Variants in OXR1 observed in about 807,000 individuals in gnomAD.
OXR1 encodes the protein oxidation resistance protein 1.
OXR1 carries 41 observed loss-of-function variants against 104.6 expected under a neutral mutation model. That is an observed-to-expected ratio of 0.39 (90% CI 0.31 to 0.51). The LOEUF is 0.51. Ranked by LOEUF, OXR1 falls within the 20% of genes least tolerant of loss-of-function variation. OXR1 has a pLI of 0.77. For missense variants in OXR1, 955 were observed against 1,031.9 expected, an observed-to-expected ratio of 0.93 and a Z score of 1.02; for synonymous variants, 348 against 348.4, an observed-to-expected ratio of 1.00 and a Z score of 0.01.
intron 2 of OXR1, among the ~76,000 whole-genome samples, chr8:106,504,025 A>G (rs1378535641): frequency 6.6e-6 from 1 of 152,160 alleles, no homozygotes; most frequent in Admixed American, 6.5e-5. Context: ...AGCTTTAAAC[A>G]CCTAACAAAA....
chr8:106,688,723 A>T (rs1225438436), intron 6 of OXR1, among the ~76,000 whole-genome samples: 1 of 152,100 alleles, frequency 6.6e-6, no homozygotes, highest in African/African-American at 2.4e-5. Flanking sequence ...CTGTATTTTT[A>T]AAAATGAGGA....
At position 106,746,398 on chromosome 8, in the gene OXR1, G is replaced by T. The variant is rs888113888; in HGVS notation, c.2486+536G>T. Among the ~76,000 whole-genome samples, 5 of 64,830 alleles carry T rather than the reference G, an allele frequency of 7.7e-5. No individual in the cohort carries two copies. In the Admixed American group the frequency reaches 8.3e-4, roughly 11 times the overall value. 42.5% of individuals were successfully genotyped at this position (64,830 alleles called of 152,430 possible). ...TGTGAGGAGCTTTGTTTTTTATTTG[G>T]TATCCCAGCCTCCTTTAATCTTTGC... On this transcript the variant is annotated intron_variant, in intron 16 of 16. Transcript: ENST00000517566.
At chr8:106,540,832 G>T (rs1025803675) in intron 3 of OXR1, among the ~76,000 whole-genome samples, 2 of 152,178 alleles carry the variant, frequency 1.3e-5, no homozygotes, top group Admixed American at 6.5e-5. Flanking sequence ...ATCAGATCTC[G>T]TGAGACTCAT....
intron 2 of OXR1, among the ~76,000 whole-genome samples, chr8:106,427,080 G>A (rs1035863792): frequency 6.6e-6 from 1 of 152,158 alleles, no homozygotes; most frequent in Non-Finnish European, 1.5e-5. Flanking sequence ...ATCAAAGACT[G>A]CAGGGCAAAG....
At chr8:106,629,155 A>G (rs1323510491) in intron 3 of OXR1, among the ~76,000 whole-genome samples, 4 of 152,200 alleles carry the variant, frequency 2.6e-5, no homozygotes, top group Non-Finnish European at 4.4e-5. Flanking sequence ...TGAAGGAGAG[A>G]AAAGGTGTGC....
At chr8:106,437,190 A>G (rs1819615150) in intron 2 of OXR1, among the ~76,000 whole-genome samples, 1 of 152,108 alleles carries the variant, frequency 6.6e-6, no homozygotes, top group African/African-American at 2.4e-5. Context: ...AAAAATTATT[A>G]AGGAAGTGAT....
chr8:106,628,257 A>G (rs2130878209), intron 3 of OXR1, among the ~76,000 whole-genome samples: 1 of 152,326 alleles, frequency 6.6e-6, no homozygotes, highest in South Asian at 2.1e-4. Context: ...CGATGATAAA[A>G]TATATAGAAA....
intron 6 of OXR1, among the ~76,000 whole-genome samples, chr8:106,690,351 CAACTT>C (rs745977292): frequency 8.6e-5 from 13 of 150,818 alleles, no homozygotes; most frequent in Non-Finnish European, 1.9e-4. Context: ...TTTTAAATAA[CAACTT>C]AGTAAGGAAT....
Position 106,334,237 on chromosome 8 carries a change from T to C in OXR1, c.-138-25239T>C, listed in dbSNP as rs998374281. 2.0e-5 allele frequency among the ~76,000 whole-genome samples: 3 copies of C among 152,234 alleles called. No homozygotes were observed. In the East Asian group the frequency reaches 5.8e-4, roughly 29 times the overall value. ...TTGATTGCTATTTTAAATGAAGTTT[T>C]TTTTAAATTTAATTTACAGTTTGTT... On this transcript the variant is annotated intron_variant, in intron 1 of 16. Coordinates refer to ENST00000517566, the MANE Select transcript of OXR1 (RefSeq NM_001198533.2).
chr8:106,635,199 T>G (rs1823027194), intron 3 of OXR1, among the ~76,000 whole-genome samples: 1 of 152,218 alleles, frequency 6.6e-6, no homozygotes. Context: ...TATGAATGAA[T>G]GTCCAAATCT....
intron 2 of OXR1, among the ~76,000 whole-genome samples, chr8:106,490,662 A>G (rs1447802373): frequency 6.6e-6 from 1 of 152,156 alleles, no homozygotes; most frequent in African/African-American, 2.4e-5. Context: ...CACTGAACCC[A>G]GCTGGATGCA....
intron 3 of OXR1, among the ~76,000 whole-genome samples, chr8:106,659,675 G>C (rs529348761): frequency 6.6e-6 from 1 of 152,332 alleles, no homozygotes; most frequent in Admixed American, 6.5e-5. Context: ...AATATGGTTA[G>C]TATTTTAATA....
intron 2 of OXR1, among the ~76,000 whole-genome samples, chr8:106,457,436 T>C (rs1455035615): frequency 1.3e-5 from 2 of 152,180 alleles, no homozygotes; most frequent in Non-Finnish European, 2.9e-5. Context: ...GACTGTGTTA[T>C]TCTCTTATAG....
chr8:106,342,268 C>T (rs1484158515), intron 1 of OXR1, among the ~76,000 whole-genome samples: 14 of 137,192 alleles, frequency 1.0e-4, no homozygotes, highest in East Asian at 2.1e-4. Context: ...TTTTTTTTCT[C>T]GAGACAGAGT....
At chr8:106,633,439 C>G (rs1301217748) in intron 3 of OXR1, among the ~76,000 whole-genome samples, 1 of 152,076 alleles carries the variant, frequency 6.6e-6, no homozygotes, top group African/African-American at 2.4e-5. Flanking sequence ...TGCTCTTTGT[C>G]AATTTTACCA....
intron 3 of OXR1, among the ~76,000 whole-genome samples, chr8:106,547,778 C>T (rs541753851): frequency 6.6e-4 from 100 of 152,230 alleles, no homozygotes; most frequent in Admixed American, 4.1e-3. Flanking sequence ...GCTGGGATTA[C>T]GGTTGTGAGC....
chr8:106,476,805 G>A (rs1821834537), intron 2 of OXR1, among the ~76,000 whole-genome samples: 1 of 151,862 alleles, frequency 6.6e-6, no homozygotes, highest in Non-Finnish European at 1.5e-5. Flanking sequence ...TCCAACTTTA[G>A]ATTCTTCACC....
intron 3 of OXR1, among the ~76,000 whole-genome samples, chr8:106,614,895 CTATT>C (rs1821094137): frequency 6.6e-6 from 1 of 152,166 alleles, no homozygotes; most frequent in African/African-American, 2.4e-5. Context: ...ACTATACCAT[CTATT>C]TGAGATGTAA....
At chr8:106,358,502 A>G (rs1050456967) in intron 1 of OXR1, among the ~76,000 whole-genome samples, 1 of 152,190 alleles carries the variant, frequency 6.6e-6, no homozygotes, top group African/African-American at 2.4e-5. Flanking sequence ...CTTATTTTAC[A>G]TAAAACATTA....
Sources: gnomAD v4.1 joint callset for allele counts (sites outside exome capture counted in the v4.1 genomes callset) on GRCh38, gnomAD v4.1.1 for gene constraint, MANE v1.5 for transcripts, NCBI Gene and HGNC (gene_info 2026-07-23, HGNC 2026-07-21) for gene names.